LATS2: variants seen among roughly 807,000 people sequenced by gnomAD.
LATS2 encodes large tumor suppressor kinase 2.
In LATS2, 24 loss-of-function variants were observed where a neutral mutation model predicts 76.0. The ratio of observed to expected loss-of-function variants is 0.32; its 90% CI spans 0.23 to 0.44. The LOEUF (loss-of-function observed/expected upper bound fraction) is 0.44, where lower values mean the gene tolerates loss of function less well. Among genes scored for constraint, LATS2 ranks in the 20% least tolerant of loss-of-function variants. The probability of loss-of-function intolerance (pLI) is 1.00; values close to 1 mark genes in which losing one functional copy is unlikely to be tolerated. For missense variants in LATS2, 1,286 were observed against 1,481.2 expected (o/e 0.87, Z 2.16); for synonymous variants, 692 against 635.4 (o/e 1.09, Z -1.34).
chr13:21,049,687 T>C (rs1873194235), intron 1 of LATS2, among the ~76,000 whole-genome samples: 1 of 152,122 alleles, frequency 6.6e-6, no homozygotes, highest in African/African-American at 2.4e-5. Flanking sequence ...AAAAGAACCA[T>C]GAGAAAGTTC....
intron 2 of LATS2, among the ~76,000 whole-genome samples, chr13:21,004,515 G>A (rs1871187293): frequency 6.6e-6 from 1 of 151,524 alleles, no homozygotes; most frequent in Non-Finnish European, 1.5e-5. Context: ...CTAGTGTTTT[G>A]TATAGCATTA....
At chr13:21,032,508 C>T (rs1202444945) in intron 2 of LATS2, among the ~76,000 whole-genome samples, 1 of 152,168 alleles carries the variant, frequency 6.6e-6, no homozygotes, top group East Asian at 1.9e-4. Context: ...CTCAAGCAAT[C>T]GCCCACCTCA....
At chr13:21,008,497 G>A (rs548698642) in intron 2 of LATS2, among the ~76,000 whole-genome samples, 1 of 152,188 alleles carries the variant, frequency 6.6e-6, no homozygotes, top group East Asian at 1.9e-4. Flanking sequence ...CCAGGAGACT[G>A]GTTTGGTCTC....
At chr13:20,977,564 G>A (rs1485349721) in intron 7 of LATS2, among the ~76,000 whole-genome samples, 2 of 151,780 alleles carry the variant, frequency 1.3e-5, no homozygotes, top group Non-Finnish European at 2.9e-5. Flanking sequence ...TGTACTTAAT[G>A]TCACTGAATT....
chr13:21,023,517 AGGACTCTCCAC>A (rs1241315577), intron 2 of LATS2, among the ~76,000 whole-genome samples: 2 of 151,952 alleles, frequency 1.3e-5, no homozygotes, highest in East Asian at 3.9e-4. Context: ...AGGCGGGGCC[AGGACTCTCCAC>A]GCTGCCGGAG....
At chr13:21,021,111 T>C (rs1178780640) in intron 2 of LATS2, among the ~76,000 whole-genome samples, 3 of 152,150 alleles carry the variant, frequency 2.0e-5, no homozygotes, top group Non-Finnish European at 4.4e-5. Context: ...TCAAAACTGG[T>C]CAGTGAGTAT....
chr13:21,053,458 T>G (rs983970120), intron 1 of LATS2, among the ~76,000 whole-genome samples: 1 of 151,982 alleles, frequency 6.6e-6, no homozygotes, highest in Non-Finnish European at 1.5e-5. Flanking sequence ...AGCATCCTGT[T>G]TGGTTTACCC....
chr13:21,039,613 C>G (rs1284368803), intron 2 of LATS2, among the ~76,000 whole-genome samples: 1 of 152,194 alleles, frequency 6.6e-6, no homozygotes, highest in Non-Finnish European at 1.5e-5. Context: ...TGAGCAAGCA[C>G]TGATTGAGCA....
chr13:20,989,268 G>C lies in LATS2; in HGVS notation c.512C>G (p.Pro171Arg), dbSNP rs1204525795. The C allele has an allele frequency of 8.1e-6, 13 of 1,613,978 alleles. No individual in the cohort carries two copies. The highest frequency in any genetic ancestry group is 1.1e-5 in the Non-Finnish European group (13 of 1,180,018). The change falls in exon 4 of 8, where the codon CCC (proline) becomes CGC (arginine). Residue 171 changes from proline to arginine, a missense_variant. Pro to Arg is a moderately radical substitution (Grantham distance 103). This residue lies in a region of LATS2 where 710 missense variants were observed against 660.9 expected (regional missense o/e 1.07). Transcript: ENST00000382592. The stretch of plus-strand genomic sequence containing the variant: ...CGAATCGCCGGTTCCTTCGAAGCTG[G>C]GCCTCCGCGTCACTGGGGTTGGCAT... The part of the protein sequence containing the change: ...GLMPTPVTRR[P>R]SFEGTGDSFA...
rs58156767 is a variant in LATS2, at chr13:20,973,514, CTGTGTG to C, written c.*1350_*1355del. 27 of 223,718 alleles carry C rather than the reference CTGTGTG, an allele frequency of 1.2e-4. No homozygotes were observed. Among genetic ancestry groups the C allele is most frequent in the Admixed American group, 7.5e-4 (13 of 17,416 alleles). 13.9% of individuals were successfully genotyped at this position (223,718 alleles called of 1,614,324 possible). On this transcript the variant is annotated 3_prime_UTR_variant, in exon 8 of 8. Transcript: ENST00000382592. Reference sequence around the variant, plus strand: ...GAAATAAGGAATATTGTGTTTATCTCTGTGTGTGTGTGTGTGTGTGTATACACGCAC... The same window carrying C: ...GAAATAAGGAATATTGTGTTTATCTCTGTGTGTGTGTGTGTATACACGCAC...
rs1163641409 is a variant in LATS2, at chr13:20,989,010, T to G, written c.770A>C (p.His257Pro). Residue 257 changes from histidine to proline, a missense_variant, in exon 4 of 8, where the codon CAC (histidine) becomes CCC (proline). Physicochemically the swap from His to Pro is moderately conservative, Grantham distance 77. Transcript: ENST00000382592. Reference protein sequence around the residue: ...PLQGAHYGRPHLLVPGEPLGY... With the variant: ...PLQGAHYGRPPLLVPGEPLGY... Reference sequence around the variant, plus strand: ...CAGGGGTTCCCCAGGCACCAGCAGGTGCGGCCGCCCGTAGTGCGCGCCCTG... The same window carrying G: ...CAGGGGTTCCCCAGGCACCAGCAGGGGCGGCCGCCCGTAGTGCGCGCCCTG... 11 of 1,549,636 alleles carry G rather than the reference T, an allele frequency of 7.1e-6. No individual in the cohort carries two copies. The Admixed American group carries it at 1.3e-4, about 19-fold the overall frequency.
chr13:21,049,024 C>T (rs1873170177), intron 1 of LATS2, among the ~76,000 whole-genome samples: 1 of 152,150 alleles, frequency 6.6e-6, no homozygotes, highest in East Asian at 1.9e-4. Flanking sequence ...AGAAAGAGCT[C>T]TAGAAATAAT....
chr13:21,014,424 G>C (rs1411811536), intron 2 of LATS2, among the ~76,000 whole-genome samples: 3 of 152,206 alleles, frequency 2.0e-5, no homozygotes, highest in Non-Finnish European at 4.4e-5. Flanking sequence ...ACCGTGGTTT[G>C]GCTTAGCTGA....
chr13:21,002,759 C>G (rs1763074320), intron 2 of LATS2, among the ~76,000 whole-genome samples: 1 of 152,108 alleles, frequency 6.6e-6, no homozygotes. Flanking sequence ...GTGGTGCAAT[C>G]AAAGCTCACT....
chr13:21,022,806 C>T (rs1258915367), intron 2 of LATS2, among the ~76,000 whole-genome samples: 2 of 151,442 alleles, frequency 1.3e-5, no homozygotes, highest in Non-Finnish European at 2.9e-5. Flanking sequence ...ATCCACCCTG[C>T]GAGAGAATAA....
chr13:20,995,940 G>A (rs933743726), intron 2 of LATS2, among the ~76,000 whole-genome samples: 1 of 152,284 alleles, frequency 6.6e-6, no homozygotes, highest in Non-Finnish European at 1.5e-5. Flanking sequence ...CTAGCCACGT[G>A]CAACAAGAAA....
At chr13:20,981,438 G>A in intron 6 of LATS2, 28 bp downstream of exon 6, 1 of 1,597,324 alleles carries the variant, frequency 6.3e-7, no homozygotes, top group Non-Finnish European at 8.5e-7. Flanking sequence ...GAGACCTCCT[G>A]CGGGGTGGCT....
chr13:21,016,000 A>AT (rs1168000812), intron 2 of LATS2, among the ~76,000 whole-genome samples: 1 of 133,448 alleles, frequency 7.5e-6, no homozygotes, highest in Non-Finnish European at 1.6e-5. Flanking sequence ...CGCTTGGCCT[A>AT]TTTTTTTGAG....
In LATS2 at chr13:20,987,886, C is replaced by T. The variant is rs999723991; in HGVS notation, c.1894G>A (p.Ala632Thr). 8 of 1,611,676 alleles carry T rather than the reference C, an allele frequency of 5.0e-6. No individual in the cohort carries two copies. Among genetic ancestry groups the T allele is most frequent in the Non-Finnish European group, 6.8e-6 (8 of 1,178,318 alleles). The change falls in exon 4 of 8, where the codon GCC (alanine) becomes ACC (threonine). Residue 632 changes from alanine (A) to threonine (T), a missense_variant. Physicochemically the swap from Ala to Thr is moderately conservative, Grantham distance 58. This residue lies in a region of LATS2 where 247 missense variants were observed against 385.4 expected (regional missense o/e 0.64). Transcript: ENST00000382592. ...NRRLQLEQEM[A>T]KAGLCEAEQE... ...AAAATGAAGTGTGAAATTACTTTGG[C>T]CATTTCTTGCTCCAGCTGCAGCCTC...
Sources: allele counts gnomAD v4.1 joint callset (sites outside exome capture counted in the v4.1 genomes callset), GRCh38; gene constraint gnomAD v4.1.1; regional missense constraint gnomAD v4.1.1; transcripts MANE v1.5; gene names NCBI Gene and HGNC (gene_info 2026-07-23, HGNC 2026-07-21).